PSMA1: variants seen among roughly 807,000 people sequenced by gnomAD.
PSMA1 encodes proteasome subunit alpha type-1.
In PSMA1, 3 loss-of-function variants were observed where a neutral mutation model predicts 38.4. The observed-to-expected ratio is 0.08, with a 90% confidence interval of 0.04 to 0.20. The LOEUF is 0.20. Ranked by LOEUF, PSMA1 falls within the 10% of genes least tolerant of loss-of-function variation. The pLI is 1.00. For synonymous variants in PSMA1, 101 were observed against 107.1 expected (o/e 0.94, Z 0.35); for missense variants, 227 against 325.3 (o/e 0.70, Z 2.32).
intron 2 of PSMA1, among the ~76,000 whole-genome samples, chr11:14,555,664 T>C (rs1344158126): frequency 6.6e-6 from 1 of 152,196 alleles, no homozygotes; most frequent in Non-Finnish European, 1.5e-5. Context: ...AGATATCATC[T>C]CTTGATTTCC....
chr11:14,517,269 TAATA>T (rs1223415393), intron 4 of PSMA1, among the ~76,000 whole-genome samples: 2 of 152,214 alleles, frequency 1.3e-5, no homozygotes, highest in East Asian at 1.9e-4. Flanking sequence ...AATAAATGTC[TAATA>T]AATACTGATG....
chr11:14,638,339 T>C lies in PSMA1; in HGVS notation c.-166+5116A>G, dbSNP rs531358205. 8.3e-4 allele frequency among the ~76,000 whole-genome samples: 126 copies of C among 152,058 alleles called. 1 individual carries two copies. Among genetic ancestry groups the C allele is most frequent in the Non-Finnish European group, 3.5e-4 (24 of 67,956 alleles). ...TGTAGGTGTTTCACTTAGCAGTTAA[T>C]AGTAATATAACTGCAATTTATTTCT... is the stretch of plus-strand genomic sequence containing the variant. On this transcript the variant is annotated intron_variant, in intron 1 of 10. Coordinates refer to the PSMA1 transcript ENST00000418988.
chr11:14,587,287 G>T (rs564767623), intron 2 of PSMA1, among the ~76,000 whole-genome samples: 138 of 152,264 alleles, frequency 9.1e-4, no homozygotes, highest in African/African-American at 3.2e-3. Context: ...TTCTCACTCT[G>T]TTCCCTGTGT....
intron 2 of PSMA1, among the ~76,000 whole-genome samples, chr11:14,564,345 G>C (rs541863494): frequency 2.0e-5 from 3 of 152,114 alleles, no homozygotes; most frequent in East Asian, 3.9e-4. Flanking sequence ...ATTCTCTGGC[G>C]ATTCATCCAG....
chr11:14,532,604 CAA>C (rs1426581772), intron 2 of PSMA1, among the ~76,000 whole-genome samples: 19 of 87,086 alleles, frequency 2.2e-4, no homozygotes, highest in Non-Finnish European at 1.9e-4. Context: ...GACTCCGTCT[CAA>C]AAAAAAAAAA....
At chr11:14,597,665 C>G (rs915579069) in intron 2 of PSMA1, among the ~76,000 whole-genome samples, 7 of 151,940 alleles carry the variant, frequency 4.6e-5, no homozygotes, top group African/African-American at 9.7e-5. Flanking sequence ...AGCGGTCTAT[C>G]CTATCTATTT....
At chr11:14,603,010 G>A (rs1162360806) in intron 2 of PSMA1, among the ~76,000 whole-genome samples, 4 of 152,200 alleles carry the variant, frequency 2.6e-5, no homozygotes, top group Non-Finnish European at 5.9e-5. Context: ...GGCTTCCAAT[G>A]TACCCATGAA....
intron 7 of PSMA1, among the ~76,000 whole-genome samples, chr11:14,512,897 A>AGG (rs1377565501): frequency 2.0e-5 from 3 of 152,206 alleles, no homozygotes; most frequent in African/African-American, 7.2e-5. Flanking sequence ...TTGTCCAAGG[A>AGG]ATCCTCTTTT....
chr11:14,608,511 T>C (rs901361860), intron 2 of PSMA1, among the ~76,000 whole-genome samples: 4 of 150,424 alleles, frequency 2.7e-5, no homozygotes, highest in African/African-American at 9.8e-5. Flanking sequence ...TGTATACATA[T>C]ATAACAAACC....
intron 2 of PSMA1, among the ~76,000 whole-genome samples, chr11:14,566,397 C>T (rs956907035): frequency 1.3e-5 from 2 of 152,132 alleles, no homozygotes; most frequent in African/African-American, 4.8e-5. Flanking sequence ...GATTTCTTCA[C>T]AGTTGGACAT....
chr11:14,581,576 A>C (rs1483902708), intron 2 of PSMA1, among the ~76,000 whole-genome samples: 1 of 152,178 alleles, frequency 6.6e-6, no homozygotes, highest in African/African-American at 2.4e-5. Context: ...ACACTAAAAA[A>C]ATCACCTTCT....
chr11:14,631,298 C>T (rs1853005829), intron 1 of PSMA1, among the ~76,000 whole-genome samples: 1 of 152,012 alleles, frequency 6.6e-6, no homozygotes. Flanking sequence ...CTCTTGTGGG[C>T]ATTTAGTGCA....
At chr11:14,639,489 T>C (rs1853171154) in intron 1 of PSMA1, among the ~76,000 whole-genome samples, 4 of 152,216 alleles carry the variant, frequency 2.6e-5, no homozygotes, top group African/African-American at 7.2e-5. Context: ...TGCTGTAGGC[T>C]AAGTACTTGC....
In PSMA1 at chr11:14,534,736, A is replaced by G. The variant is rs1003924157; in HGVS notation, c.22-15695T>C. Among the ~76,000 whole-genome samples, 10 of 151,862 alleles carry G rather than the reference A, an allele frequency of 6.6e-5. No individual in the cohort carries two copies. The highest frequency in any genetic ancestry group is 1.7e-4 in the African/African-American group (7 of 41,402). ...ATTTTCCAATATGTGTAACATGTATATACATCGTGTGTACATATGCATATT... is the reference window on the plus strand; with the variant it reads ...ATTTTCCAATATGTGTAACATGTATGTACATCGTGTGTACATATGCATATT... On this transcript the variant is annotated intron_variant, in intron 2 of 10. Transcript: ENST00000418988. The surrounding 1 kb of genome is among the most constrained non-coding windows in gnomAD (Gnocchi z 4.5).
intron 9 of PSMA1, 77 bp from the exon 10 acceptor site, chr11:14,505,325 G>A (rs537209457): frequency 2.0e-4 from 243 of 1,240,850 alleles, no homozygotes; most frequent in South Asian, 5.2e-4. Context: ...CAAATATTAC[G>A]TTATTAAAAA....
rs1687332828 is a variant in PSMA1 at position 14,583,649 on chromosome 11, G to T, written c.21+27317C>A. ...CCACCCAAGTGGACTCCAGGCTGGG[G>T]GTAAAAGCAGGGTAGGAGAGAGGGC... On this transcript the variant is annotated intron_variant, in intron 2 of 10. Transcript: ENST00000418988. Among the ~76,000 whole-genome samples, 3 of 152,284 alleles carry T rather than the reference G, an allele frequency of 2.0e-5. No individual in the cohort carries two copies. The South Asian group carries it at 6.2e-4, about 32-fold the overall frequency.
chr11:14,546,150 CTT>C (rs57094424), intron 2 of PSMA1, among the ~76,000 whole-genome samples: 29 of 140,404 alleles, frequency 2.1e-4, no homozygotes, highest in Non-Finnish European at 2.8e-4. Context: ...CTCTCTCTCT[CTT>C]TTTTTTTTTT....
chr11:14,636,200 A>C (rs1437851765), intron 1 of PSMA1, among the ~76,000 whole-genome samples: 1 of 152,130 alleles, frequency 6.6e-6, no homozygotes, highest in Non-Finnish European at 1.5e-5. Flanking sequence ...AATCCACTGC[A>C]ATCTGGTTTC....
At chr11:14,509,841 A>C (rs1173765572) in intron 8 of PSMA1, among the ~76,000 whole-genome samples, 1 of 150,430 alleles carries the variant, frequency 6.6e-6, no homozygotes, top group African/African-American at 2.5e-5. Flanking sequence ...CTCCTGCCTC[A>C]GCCTCCCGAG....
Sources: gnomAD v4.1 joint callset for allele counts (sites outside exome capture counted in the v4.1 genomes callset) on GRCh38, gnomAD v4.1.1 for gene constraint, Gnocchi (gnomAD v3.1) non-coding constraint, MANE v1.5 for transcripts, NCBI Gene and HGNC (gene_info 2026-07-23, HGNC 2026-07-21) for gene names.